The following ARHGEF6 variants were observed in gnomAD, a reference collection of about 807,000 sequenced individuals.
ARHGEF6 encodes the protein rho guanine nucleotide exchange factor 6.
A neutral mutation model predicts 70.3 loss-of-function variants in ARHGEF6; 9 were observed. The observed-to-expected ratio is 0.13, with a 90% confidence interval of 0.08 to 0.22. The LOEUF is 0.22. ARHGEF6 is among the 10% of genes least tolerant of loss of function. The probability of loss-of-function intolerance (pLI) is 1.00; values close to 1 mark genes in which losing one functional copy is unlikely to be tolerated. For synonymous variants in ARHGEF6, 201 were observed against 207.8 expected (o/e 0.97, Z 0.28); for missense variants, 470 against 563.0 (o/e 0.83, Z 1.67).
chrX:136,727,359 T>C (rs867119909), intron 6 of ARHGEF6, among the ~76,000 whole-genome samples: 2 of 63,646 alleles, frequency 3.1e-5, no homozygotes, highest in Non-Finnish European at 5.7e-5. Flanking sequence ...CTTTCTTTCT[T>C]TCTTTCTTTC....
chrX:136,714,187 C>T (rs1034675701), intron 6 of ARHGEF6, among the ~76,000 whole-genome samples: 2 of 111,124 alleles, frequency 1.8e-5, no homozygotes, highest in African/African-American at 6.6e-5. Context: ...GCAAAACAAC[C>T]AATATGGGGG....
rs757372193 is a variant in ARHGEF6 at position 136,713,376 on chromosome X, G to GA, written c.733-7dup. On this transcript the variant is annotated splice_region_variant and splice_polypyrimidine_tract_variant and intron_variant, in intron 6 of 21. Coordinates refer to ENST00000250617, the MANE Select transcript of ARHGEF6 (RefSeq NM_004840.3). ...TCCAGGATGTTCTGTAACACCTATGGAAAAAAAAGTCAATGTATTATAATC... is the reference window on the plus strand; with the variant it reads ...TCCAGGATGTTCTGTAACACCTATGGAAAAAAAAAGTCAATGTATTATAATC... 51 of 1,158,231 alleles carry GA rather than the reference G, an allele frequency of 4.4e-5. No individual in the cohort carries two copies. Among genetic ancestry groups the GA allele is most frequent in the Middle Eastern group, 5.0e-4 (2 of 3,977 alleles).
At chrX:136,764,585 G>C (rs5974628) in intron 2 of ARHGEF6, among the ~76,000 whole-genome samples, 2,303 of 111,194 alleles carry the variant, frequency 0.021, 58 homozygotes, top group African/African-American at 0.072. Context: ...GGGAAGGCAG[G>C]GTATCTACTA....
At chrX:136,767,342 C>A (rs770939195) in intron 2 of ARHGEF6, 1 of 753,986 alleles carries the variant, frequency 1.3e-6, no homozygotes, top group South Asian at 6.8e-5. Context: ...CAGGGCGAAA[C>A]TGGAGAGCTG....
intron 2 of ARHGEF6, among the ~76,000 whole-genome samples, chrX:136,756,542 C>T (rs1388289433): frequency 9.0e-6 from 1 of 111,713 alleles, no homozygotes; most frequent in Non-Finnish European, 1.9e-5. Context: ...CATGCCTATG[C>T]TCTAAAACTA....
chrX:136,760,351 G>A (rs887144831), intron 2 of ARHGEF6, among the ~76,000 whole-genome samples: 17 of 112,332 alleles, frequency 1.5e-4, no homozygotes, highest in African/African-American at 5.5e-4. Flanking sequence ...TGATCCTTGA[G>A]GGCCACCTCA....
At chrX:136,779,645 A>T in intron 1 of ARHGEF6, 148 bp from the exon 2 acceptor site, 1 of 529,255 alleles carries the variant, frequency 1.9e-6, no homozygotes. Flanking sequence ...TAACCACTGA[A>T]GGAAGTGATG....
chrX:136,695,884 G>C (rs919877425), intron 9 of ARHGEF6, among the ~76,000 whole-genome samples: 5 of 111,913 alleles, frequency 4.5e-5, no homozygotes, highest in African/African-American at 1.6e-4. Flanking sequence ...GCTGAATAGT[G>C]GGTACGTGGA....
At chrX:136,701,996 C>G (rs1237622103) in intron 9 of ARHGEF6, among the ~76,000 whole-genome samples, 2 of 111,353 alleles carry the variant, frequency 1.8e-5, no homozygotes, top group South Asian at 7.5e-4. Flanking sequence ...CGCGAGCCAC[C>G]GCACCCGGCC....
At chrX:136,743,900 A>G (rs1167957698) in intron 4 of ARHGEF6, 114 bp from the exon 5 acceptor site, 1 of 679,430 alleles carries the variant, frequency 1.5e-6, no homozygotes, top group Non-Finnish European at 2.3e-6. Flanking sequence ...CCCCAGATCC[A>G]TCTCAGTCCT....
chrX:136,761,426 A>T (rs1456523507), intron 2 of ARHGEF6, among the ~76,000 whole-genome samples: 1 of 112,656 alleles, frequency 8.9e-6, no homozygotes, highest in Non-Finnish European at 1.9e-5. Context: ...TCCAAATAAA[A>T]TATAAAAAAC....
intron 1 of ARHGEF6, among the ~76,000 whole-genome samples, chrX:136,779,890 T>A (rs1206323094): frequency 8.9e-6 from 1 of 112,013 alleles, no homozygotes; most frequent in East Asian, 2.8e-4. Flanking sequence ...CCCCTCTACA[T>A]TTGACCACAC....
At chrX:136,768,938 C>T (rs2077342980) in intron 2 of ARHGEF6, among the ~76,000 whole-genome samples, 1 of 101,968 alleles carries the variant, frequency 9.8e-6, no homozygotes, top group Non-Finnish European at 2.0e-5. Context: ...AAACATACTG[C>T]TACCAGCTGG....
intron 2 of ARHGEF6, among the ~76,000 whole-genome samples, chrX:136,762,093 T>C (rs1303898598): frequency 2.7e-5 from 3 of 111,425 alleles, no homozygotes; most frequent in Non-Finnish European, 3.8e-5. Flanking sequence ...TTTGGTACTT[T>C]TGTGGAGATG....
intron 20 of ARHGEF6, among the ~76,000 whole-genome samples, chrX:136,669,924 T>A (rs1344693639): frequency 1.8e-5 from 2 of 111,908 alleles, no homozygotes; most frequent in African/African-American, 3.3e-5. Flanking sequence ...TGTGAAGTGG[T>A]TACCATAATC....
At chrX:136,764,769 C>T (rs1219385424) in intron 2 of ARHGEF6, among the ~76,000 whole-genome samples, 1 of 111,865 alleles carries the variant, frequency 8.9e-6, no homozygotes, top group Non-Finnish European at 1.9e-5. Flanking sequence ...AGGATTTGTG[C>T]AATTTCCCGA....
At chrX:136,682,652 G>C in intron 13 of ARHGEF6, 106 bp downstream of exon 13, 1 of 619,314 alleles carries the variant, frequency 1.6e-6, no homozygotes, top group Non-Finnish European at 2.7e-6. Context: ...GAACATTCTG[G>C]TTCTCCTGGC....
At chrX:136,740,503 C>A (rs894543233) in intron 5 of ARHGEF6, among the ~76,000 whole-genome samples, 4 of 111,793 alleles carry the variant, frequency 3.6e-5, no homozygotes, top group Non-Finnish European at 7.5e-5. Context: ...TCAGACCTGT[C>A]CTTGACAGTT....
intron 9 of ARHGEF6, among the ~76,000 whole-genome samples, chrX:136,698,240 G>T (rs1010662885): frequency 3.6e-5 from 4 of 111,177 alleles, no homozygotes; most frequent in African/African-American, 1.3e-4. Context: ...AAAGAATAAA[G>T]AAAAACGAAT....
Sources: gnomAD v4.1 joint callset for allele counts (sites outside exome capture counted in the v4.1 genomes callset) on GRCh38, gnomAD v4.1.1 for gene constraint, MANE v1.5 for transcripts, NCBI Gene and HGNC (gene_info 2026-07-23, HGNC 2026-07-21) for gene names.